Variants in NBPF9 observed in about 807,000 individuals in gnomAD.
NBPF9 encodes the protein NBPF member 9.
NBPF9 carries 91 observed loss-of-function variants against 97.8 expected under a neutral mutation model. The ratio of observed to expected loss-of-function variants is 0.93; its 90% CI spans 0.79 to 1.11. The LOEUF (loss-of-function observed/expected upper bound fraction) is 1.11. Ranked by LOEUF, NBPF9 falls within the 50% of genes least tolerant of loss-of-function variation. The pLI is 0.00. For missense variants in NBPF9, 992 were observed against 939.5 expected (o/e 1.06, Z -0.73); for synonymous variants, 334 against 359.5 (o/e 0.93, Z 0.80).
intron 4 of NBPF9, among the ~76,000 whole-genome samples, chr1:149,097,797 G>A (rs1288564951): frequency 6.6e-6 from 1 of 152,176 alleles, no homozygotes; most frequent in Non-Finnish European, 1.5e-5. Context: ...GTGAAAGAAG[G>A]CGTCCACCAC....
In NBPF9 at chr1:149,072,956, A is replaced by T. The variant is rs1811722; in HGVS notation, c.1092-24T>A. The T allele has an allele frequency of 5.0e-6, 8 of 1,603,942 alleles. No individual in the cohort carries two copies. In the East Asian group the frequency reaches 6.7e-5, roughly 13 times the overall value. On this transcript the variant is annotated intron_variant, in intron 13 of 29. Transcript: ENST00000584027. ...GCCTAAGGTGAGATGGTAGAGAAAA[A>T]TTAAGAGTGGAAAGGGTTGAGTGAT...
Position 149,086,155 on chromosome 1 carries a change from C to T in NBPF9, c.-194-3725G>A, listed in dbSNP as rs1366447439. On this transcript the variant is annotated intron_variant, in intron 5 of 29. Coordinates refer to ENST00000584027, the Ensembl canonical transcript of NBPF9. ...ATTATTGGACATTTCTATCATTCCGCGTTTGGGCTATTATGAAGAAACTAT... is the reference window on the plus strand; with the variant it reads ...ATTATTGGACATTTCTATCATTCCGTGTTTGGGCTATTATGAAGAAACTAT... 1.7e-4 allele frequency among the ~76,000 whole-genome samples: 26 copies of T among 150,058 alleles called. 1 individual carries two copies. The highest frequency in any genetic ancestry group is 1.5e-3 in the South Asian group (7 of 4,722).
intron 9 of NBPF9, 106 bp downstream of exon 9, chr1:149,078,901 A>G: frequency 1.3e-6 from 2 of 1,590,124 alleles, no homozygotes; most frequent in Non-Finnish European, 1.7e-6. Flanking sequence ...ACATATGTGT[A>G]GCAGAAAAAA....
intron 14 of NBPF9, among the ~76,000 whole-genome samples, chr1:149,072,348 T>C (rs1248493927): frequency 6.6e-6 from 1 of 152,208 alleles, no homozygotes; most frequent in Non-Finnish European, 1.5e-5. Flanking sequence ...TCATTCACTC[T>C]CTGACAGTAA....
intron 5 of NBPF9, among the ~76,000 whole-genome samples, chr1:149,083,244 T>G (rs1275773078): frequency 7.7e-6 from 1 of 130,640 alleles, no homozygotes; most frequent in African/African-American, 2.9e-5. Flanking sequence ...ATTTTTCTGA[T>G]GGGAGACAGG....
rs1465131012 is a variant in NBPF9 at position 149,071,788 on chromosome 1, T to C, written c.1307-112A>G. 3 of 676,992 alleles carry C rather than the reference T, an allele frequency of 4.4e-6. No homozygotes were observed. In the East Asian group the frequency reaches 9.1e-5, roughly 20 times the overall value. 41.9% of individuals were successfully genotyped at this position (676,992 alleles called of 1,614,324 possible). A position where few individuals can be genotyped will look rare whatever the true frequency, so the allele number is the denominator to read the frequency against. On this transcript the variant is annotated intron_variant, in intron 14 of 29. Transcript: ENST00000584027. ...ATCTAGGCATGGGTCACCGTTCAAC[T>C]GAAAACTCTCATGTTTTATCTTTAA...
At chr1:149,062,830 AG>A in intron 21 of NBPF9, 31 bp downstream of exon 21, 1 of 669,540 alleles carries the variant, frequency 1.5e-6, no homozygotes, top group Middle Eastern at 4.0e-4. Context: ...GTGTCAACAC[AG>A]AATTAAGCAT....
exon 30 of NBPF9, chr1:149,055,267 T>C (rs74422113): frequency 1.4e-5 from 5 of 349,064 alleles, no homozygotes; most frequent in Non-Finnish European, 2.6e-5. Flanking sequence ...TTAGGTTCAT[T>C]GAAACCAGGG....
intron 29 of NBPF9, 64 bp from the exon 30 acceptor site, chr1:149,055,963 G>A (rs1218517187): frequency 6.2e-7 from 1 of 1,611,530 alleles, no homozygotes; most frequent in East Asian, 2.2e-5. Context: ...AGCCCCACTA[G>A]ATTTCAGAAG....
exon 18 of NBPF9, chr1:149,065,541 C>A: frequency 1.9e-6 from 3 of 1,610,744 alleles, no homozygotes; most frequent in South Asian, 2.2e-5. Flanking sequence ...ATGTCAACAG[C>A]CATGCAGACT....
chr1:149,071,780 C>A, intron 14 of NBPF9, 104 bp from the exon 15 acceptor site: 1 of 692,916 alleles, frequency 1.4e-6, no homozygotes. Context: ...CATGGGTCAC[C>A]GTTCAACTGA....
At chr1:149,060,026 C>A in intron 24 of NBPF9, 2 of 359,782 alleles carry the variant, frequency 5.6e-6, no homozygotes, top group Non-Finnish European at 1.0e-5. Flanking sequence ...TCTAGTAGAT[C>A]GTTATCCCAA....
chr1:149,067,378 G>A (rs2079098276), intron 17 of NBPF9, among the ~76,000 whole-genome samples: 1 of 129,226 alleles, frequency 7.7e-6, no homozygotes, highest in Non-Finnish European at 1.6e-5. Context: ...AGTTACATAT[G>A]TATACATGTC....
At chr1:149,064,651 G>A in intron 18 of NBPF9, 169 bp from the exon 19 acceptor site, 2 of 616,966 alleles carry the variant, frequency 3.2e-6, no homozygotes, top group Non-Finnish European at 5.7e-6. Flanking sequence ...GAGAAAACTG[G>A]CTTGGGTTCT....
exon 23 of NBPF9, chr1:149,061,353 T>G: frequency 2.5e-6 from 1 of 396,052 alleles, no homozygotes; most frequent in Admixed American, 4.1e-5. Context: ...TGGGCCTTGG[T>G]CTTCTTCCTC....
chr1:149,082,064 G>C (rs1381243107), exon 7 of NBPF9: 26 of 1,610,764 alleles, frequency 1.6e-5, no homozygotes, highest in Non-Finnish European at 2.1e-5. Context: ...GCCAACTGGG[G>C]GCGCAATTTC....
chr1:149,073,066 T>G, intron 13 of NBPF9, 134 bp from the exon 14 acceptor site: 1 of 760,260 alleles, frequency 1.3e-6, no homozygotes, highest in Non-Finnish European at 2.3e-6. Flanking sequence ...TTTAAAGGAA[T>G]GTCTGTGGCC....
chr1:149,075,292 T>C (rs1286108806), intron 12 of NBPF9, among the ~76,000 whole-genome samples: 2 of 152,184 alleles, frequency 1.3e-5, no homozygotes, highest in Middle Eastern at 3.2e-3. Flanking sequence ...AGTTCACTAG[T>C]CTCAGACATT....
rs1220489206 is a variant in NBPF9, at chr1:149,071,978, C to CCA, written c.1307-304_1307-303dup. 7.6e-4 allele frequency among the ~76,000 whole-genome samples: 113 copies of CCA among 148,686 alleles called. 2 individuals are homozygous for CCA. The highest frequency in any genetic ancestry group is 3.4e-3 in the Middle Eastern group (1 of 290). On this transcript the variant is annotated intron_variant, in intron 14 of 29. Coordinates refer to ENST00000584027, the Ensembl canonical transcript of NBPF9. ...GTTGGCAGCTGTCTCCCCCATCCTG[C>CCA]CAGATCTGATTCCCAGGCACAGGCT...
Sources: allele counts gnomAD v4.1 joint callset (sites outside exome capture counted in the v4.1 genomes callset), GRCh38; gene constraint gnomAD v4.1.1; transcripts MANE v1.5; gene names NCBI Gene and HGNC (gene_info 2026-07-23, HGNC 2026-07-21).